CTNND2: variants seen among roughly 807,000 people sequenced by gnomAD.
CTNND2 encodes the protein catenin delta-2.
In CTNND2, 22 loss-of-function variants were observed where a neutral mutation model predicts 144.4. The ratio of observed to expected loss-of-function variants is 0.15; its 90% CI spans 0.11 to 0.22. CTNND2 has a LOEUF of 0.22. Among genes scored for constraint, CTNND2 ranks in the 10% least tolerant of loss-of-function variants. The pLI is 1.00. For missense variants in CTNND2, 1,353 were observed against 1,618.8 expected, an observed-to-expected ratio of 0.84 and a Z score of 2.82; for synonymous variants, 751 against 695.6, an observed-to-expected ratio of 1.08 and a Z score of -1.25.
intron 1 of CTNND2, among the ~76,000 whole-genome samples, chr5:11,836,624 G>T (rs895924126): frequency 6.6e-6 from 1 of 150,466 alleles, no homozygotes; most frequent in Middle Eastern, 3.4e-3. Context: ...TCTCTACTTT[G>T]AAAAAGGAAA....
At chr5:11,729,934 G>A (rs1581788348) in intron 2 of CTNND2, among the ~76,000 whole-genome samples, 1 of 152,090 alleles carries the variant, frequency 6.6e-6, no homozygotes, top group Non-Finnish European at 1.5e-5. Context: ...CCCAATGGGT[G>A]CATTAGAGTG....
chr5:11,300,066 G>A (rs940992097), intron 9 of CTNND2, among the ~76,000 whole-genome samples: 6 of 152,196 alleles, frequency 3.9e-5, no homozygotes, highest in African/African-American at 1.4e-4. Context: ...AAGATCATAA[G>A]AGCCTCTGGG....
chr5:11,118,394 A>C (rs971084590), intron 12 of CTNND2, among the ~76,000 whole-genome samples: 1 of 152,218 alleles, frequency 6.6e-6, no homozygotes, highest in Admixed American at 6.5e-5. Context: ...GAGATGACTT[A>C]GTGGGTGGTA....
chr5:11,400,804 G>T (rs1373403533), intron 5 of CTNND2, among the ~76,000 whole-genome samples: 1 of 152,210 alleles, frequency 6.6e-6, no homozygotes, highest in African/African-American at 2.4e-5. Flanking sequence ...AGAAGTACAG[G>T]CAGAGGCAAA....
intron 2 of CTNND2, among the ~76,000 whole-genome samples, chr5:11,718,510 G>T (rs1786480108): frequency 6.6e-6 from 1 of 152,064 alleles, no homozygotes; most frequent in Non-Finnish European, 1.5e-5. Flanking sequence ...CTTGATATCA[G>T]ACATTGGCAG....
intron 7 of CTNND2, among the ~76,000 whole-genome samples, chr5:11,373,553 G>C (rs1303378441): frequency 1.3e-5 from 2 of 152,164 alleles, no homozygotes; most frequent in South Asian, 2.1e-4. Flanking sequence ...CATTTGAATG[G>C]GAGACTTTTT....
At chr5:11,524,040 GGA>G (rs1772994533) in intron 3 of CTNND2, among the ~76,000 whole-genome samples, 2 of 152,222 alleles carry the variant, frequency 1.3e-5, no homozygotes, top group African/African-American at 4.8e-5. Context: ...TGCTTGTTAA[GGA>G]AAAAAGGCCT....
At chr5:11,668,016 T>C (rs868755545) in intron 2 of CTNND2, among the ~76,000 whole-genome samples, 5 of 152,346 alleles carry the variant, frequency 3.3e-5, no homozygotes, top group Middle Eastern at 3.4e-3. Context: ...ATTTATTAAA[T>C]AGGGAATCCT....
At chr5:11,491,687 C>T (rs1420410040) in intron 3 of CTNND2, among the ~76,000 whole-genome samples, 1 of 152,218 alleles carries the variant, frequency 6.6e-6, no homozygotes, top group Non-Finnish European at 1.5e-5. Flanking sequence ...CCCGTCATCA[C>T]AGTTACATCT....
chr5:11,134,383 C>A (rs1188462730), intron 12 of CTNND2, among the ~76,000 whole-genome samples: 1 of 152,176 alleles, frequency 6.6e-6, no homozygotes, highest in Non-Finnish European at 1.5e-5. Context: ...TGATTTCAGA[C>A]TCGAGAGGCT....
chr5:11,647,459 T>C (rs950639343), intron 2 of CTNND2, among the ~76,000 whole-genome samples: 1 of 151,846 alleles, frequency 6.6e-6, no homozygotes, highest in Admixed American at 6.6e-5. Context: ...GTCCCTGTCA[T>C]CTCCACCAGT....
intron 9 of CTNND2, among the ~76,000 whole-genome samples, chr5:11,295,853 C>T (rs958331302): frequency 2.0e-5 from 3 of 151,856 alleles, no homozygotes; most frequent in South Asian, 2.1e-4. Flanking sequence ...TAAAGACTTA[C>T]GTGTTAGACC....
At position 11,850,433 on chromosome 5, in the gene CTNND2, G is replaced by A. The variant is rs151093553; in HGVS notation, c.37+53384C>T. ...ACTTCTCATTGATATAGAAAGTATG[G>A]ACTTATCTGCATTTATACCAAATAT... On this transcript the variant is annotated intron_variant, in intron 1 of 21. Coordinates refer to ENST00000304623, the MANE Select transcript of CTNND2 (RefSeq NM_001332.4). 8.7e-3 allele frequency among the ~76,000 whole-genome samples: 1,318 copies of A among 152,176 alleles called. 7 individuals are homozygous for A. The highest frequency in any genetic ancestry group is 0.031 in the Middle Eastern group (9 of 294).
At chr5:11,670,625 T>C (rs1252881207) in intron 2 of CTNND2, among the ~76,000 whole-genome samples, 1 of 152,128 alleles carries the variant, frequency 6.6e-6, no homozygotes, top group Non-Finnish European at 1.5e-5. Context: ...CCTCCATCCC[T>C]TTATTTTGAA....
chr5:11,789,060 C>G (rs2126864779), intron 1 of CTNND2, among the ~76,000 whole-genome samples: 1 of 152,200 alleles, frequency 6.6e-6, no homozygotes, highest in East Asian at 1.9e-4. Context: ...ATTAAAAAGT[C>G]AGGGAACAAC....
intron 19 of CTNND2, among the ~76,000 whole-genome samples, chr5:10,991,008 T>A (rs1237793244): frequency 6.6e-6 from 1 of 152,246 alleles, no homozygotes; most frequent in Non-Finnish European, 1.5e-5. Context: ...TTTATCTTTT[T>A]AAGCCTGCTG....
chr5:11,422,411 C>G (rs1205730987), intron 3 of CTNND2, among the ~76,000 whole-genome samples: 1 of 152,152 alleles, frequency 6.6e-6, no homozygotes, highest in Non-Finnish European at 1.5e-5. Context: ...GAAAATAAAT[C>G]AGAACTAAAT....
chr5:11,883,999 T>C (rs1273675230), intron 1 of CTNND2, among the ~76,000 whole-genome samples: 4 of 152,226 alleles, frequency 2.6e-5, no homozygotes, highest in African/African-American at 4.8e-5. Flanking sequence ...TGTCTGTTCA[T>C]ATCCTTCACA....
intron 6 of CTNND2, among the ~76,000 whole-genome samples, chr5:11,390,783 C>T (rs1759562288): frequency 6.6e-6 from 1 of 152,154 alleles, no homozygotes; most frequent in African/African-American, 2.4e-5. Flanking sequence ...GCAGTCTGCT[C>T]CCCCATTCAC....
Sources: allele counts gnomAD v4.1 joint callset (sites outside exome capture counted in the v4.1 genomes callset), GRCh38; gene constraint gnomAD v4.1.1; transcripts MANE v1.5; gene names NCBI Gene and HGNC (gene_info 2026-07-23, HGNC 2026-07-21).